Variants in MAML1 observed in about 807,000 individuals in gnomAD.
MAML1 encodes mastermind-like protein 1.
Under a neutral mutation model 77.1 loss-of-function variants are expected in MAML1, and 14 were observed. That is an observed-to-expected ratio of 0.18 (90% CI 0.12 to 0.28). The LOEUF (loss-of-function observed/expected upper bound fraction) is 0.28, where lower values mean the gene tolerates loss of function less well. Ranked by LOEUF, MAML1 falls within the 10% of genes least tolerant of loss-of-function variation. The pLI, the probability that MAML1 is intolerant of heterozygous loss-of-function variation, is 1.00. For missense variants in MAML1, 1,217 were observed against 1,327.8 expected, an observed-to-expected ratio of 0.92 and a Z score of 1.30; for synonymous variants, 516 against 551.9, an observed-to-expected ratio of 0.93 and a Z score of 0.91.
At chr5:179,759,115 C>G (rs942149782) in intron 1 of MAML1, among the ~76,000 whole-genome samples, 8 of 152,146 alleles carry the variant, frequency 5.3e-5, no homozygotes, top group Non-Finnish European at 1.5e-5. Flanking sequence ...GAAGGTGCTC[C>G]TATTTGTACG....
chr5:179,756,609 C>T (rs540989211), intron 1 of MAML1, among the ~76,000 whole-genome samples: 1 of 151,888 alleles, frequency 6.6e-6, no homozygotes, highest in Non-Finnish European at 1.5e-5. Context: ...TGAACTTTAT[C>T]TGTAAGTAAT....
chr5:179,756,528 G>A lies in MAML1; in HGVS notation c.316-8798G>A, dbSNP rs544451913. ...TTTAAGTTGGGGCCCCAAGGGAATG[G>A]CAGGGAATTCAACAGAGAAGTTAAT... On this transcript the variant is annotated intron_variant, in intron 1 of 4. Transcript: ENST00000292599. Among the ~76,000 whole-genome samples, 8 of 152,196 alleles carry A rather than the reference G, an allele frequency of 5.3e-5. No individual in the cohort carries two copies. In the South Asian group the frequency reaches 1.2e-3, roughly 24 times the overall value.
intron 1 of MAML1, among the ~76,000 whole-genome samples, chr5:179,761,564 G>A (rs1779727025): frequency 6.6e-6 from 1 of 152,070 alleles, no homozygotes; most frequent in South Asian, 2.1e-4. Flanking sequence ...ACATGGTGGT[G>A]CACGCCTGTA....
chr5:179,747,589 T>G (rs1367010772), intron 1 of MAML1, among the ~76,000 whole-genome samples: 1 of 152,034 alleles, frequency 6.6e-6, no homozygotes, highest in African/African-American at 2.4e-5. Flanking sequence ...GGCGGGCGGA[T>G]CACGAGGTCA....
intron 1 of MAML1, among the ~76,000 whole-genome samples, chr5:179,737,315 A>C (rs1461125095): frequency 1.3e-5 from 2 of 152,144 alleles, no homozygotes; most frequent in African/African-American, 4.8e-5. Flanking sequence ...AGTCTAGCTG[A>C]GCTCTTTGGC....
Position 179,769,197 on chromosome 5 carries a change from C to A in MAML1, c.1971+108C>A. On this transcript the variant is annotated intron_variant, in intron 3 of 4. Transcript: ENST00000292599. This position sits in a 1 kb window ranked among gnomAD's most constrained non-coding sequence, Gnocchi z 4.2. ...GTGCGTGTGGATTTGCGCAGACTTG[C>A]GTGCCTGTTGTTAGAGTGCTTTGCC... 2.7e-6 allele frequency: 4 copies of A among 1,472,150 alleles called. No individual in the cohort carries two copies. Among genetic ancestry groups the A allele is most frequent in the Non-Finnish European group, 3.7e-6 (4 of 1,082,156 alleles). The allele number at this position is 1,472,150 out of a possible 1,614,324, so 91.2% of individuals were successfully genotyped here. A position where few individuals can be genotyped will look rare whatever the true frequency, so the allele number is the denominator to read the frequency against.
At chr5:179,754,239 G>A (rs759576810) in intron 1 of MAML1, among the ~76,000 whole-genome samples, 7 of 151,994 alleles carry the variant, frequency 4.6e-5, no homozygotes, top group Non-Finnish European at 8.8e-5. Context: ...CTGAGATTGC[G>A]CCACTGCACT....
At chr5:179,762,599 A>G (rs1481693366) in intron 1 of MAML1, among the ~76,000 whole-genome samples, 1 of 152,206 alleles carries the variant, frequency 6.6e-6, no homozygotes, top group Non-Finnish European at 1.5e-5. Context: ...GAAGTACCAG[A>G]TGTGCTGGAG....
intron 1 of MAML1, among the ~76,000 whole-genome samples, chr5:179,744,241 G>A (rs1474787748): frequency 1.3e-5 from 2 of 152,146 alleles, no homozygotes; most frequent in East Asian, 3.9e-4. Context: ...CTGGAGTGCA[G>A]TGGCATGGTC....
intron 1 of MAML1, among the ~76,000 whole-genome samples, chr5:179,749,796 C>A (rs1406692208): frequency 6.6e-6 from 1 of 151,876 alleles, no homozygotes; most frequent in East Asian, 1.9e-4. Flanking sequence ...GCAGTGCAAC[C>A]CACCGAGAGG....
rs766359390 is a variant in MAML1, at chr5:179,765,578, C to T, written c.568C>T (p.Arg190Cys). The change falls in exon 2 of 5, where the codon CGT becomes TGT. Residue 190 changes from arginine (R) to cysteine (C), a missense_variant. Arg to Cys is a radical substitution (Grantham distance 180). Transcript: ENST00000292599. ...GGGGCTAGACTCTCTCAACAAAAAG[C>T]GTCTGGCTGACTCCAGCCTTCACTT... ...SLGLDSLNKK[R>C]LADSSLHLNG... The T allele has an allele frequency of 5.6e-6, 9 of 1,614,022 alleles. No individual in the cohort carries two copies. Among genetic ancestry groups the T allele is most frequent in the East Asian group, 4.5e-5 (2 of 44,884 alleles).
chr5:179,756,478 A>G (rs1779622252), intron 1 of MAML1, among the ~76,000 whole-genome samples: 1 of 151,782 alleles, frequency 6.6e-6, no homozygotes, highest in African/African-American at 2.4e-5. Context: ...CTGGAAGTAT[A>G]TTCTCAGTCC....
intron 1 of MAML1, among the ~76,000 whole-genome samples, chr5:179,754,979 A>G (rs1779582728): frequency 6.6e-6 from 1 of 152,206 alleles, no homozygotes. Flanking sequence ...TCCCTCTTAC[A>G]GAAGAGAGAA....
intron 1 of MAML1, among the ~76,000 whole-genome samples, chr5:179,744,889 G>A (rs570139755): frequency 6.6e-6 from 1 of 151,732 alleles, no homozygotes; most frequent in Non-Finnish European, 1.5e-5. Flanking sequence ...ACAAAACAAC[G>A]CATGCATTAT....
chr5:179,768,929 G>C lies in MAML1; in HGVS notation c.1811G>C (p.Ser604Thr). 1 of 1,614,162 alleles carries C rather than the reference G, an allele frequency of 6.2e-7. No homozygotes were observed. Among genetic ancestry groups the C allele is most frequent in the Non-Finnish European group, 8.5e-7 (1 of 1,180,036 alleles). Residue 604 changes from serine to threonine, a missense_variant, in exon 3 of 5, where the codon AGC (serine) becomes ACC (threonine). Ser to Thr is a moderately conservative substitution (Grantham distance 58). Coordinates refer to ENST00000292599, the MANE Select transcript of MAML1 (RefSeq NM_014757.5). ...CAGCCGCCTGCCGTGTCCGTGGCCA[G>C]CTCCCACAACAGCTCCCCCTATCTC... ...GTQPPAVSVA[S>T]SHNSSPYLSS... is the part of the protein sequence containing the mutation.
chr5:179,766,252 C>T lies in MAML1; in HGVS notation c.1242C>T (p.Asn414=). 6.2e-7 allele frequency: 1 copy of T among 1,613,796 alleles called. No homozygotes were observed. The highest frequency in any genetic ancestry group is 8.5e-7 in the Non-Finnish European group (1 of 1,179,930). The change falls in exon 2 of 5, where the codon AAC becomes AAT. Residue 414 remains asparagine, a synonymous_variant. Transcript: ENST00000292599. This position sits in a 1 kb window ranked among gnomAD's most constrained non-coding sequence, Gnocchi z 4.0. The part of the protein sequence containing the change: ...AKQKREQMLQ[N]PQQATPAPAP... Reference sequence around the variant, plus strand: ...AGAAGCGCGAGCAGATGCTCCAGAACCCACAGCAGGCCACCCCGGCACCAG... The same window carrying T: ...AGAAGCGCGAGCAGATGCTCCAGAATCCACAGCAGGCCACCCCGGCACCAG...
rs1756153806 is a variant in MAML1 at position 179,777,239 on chromosome 5, CT to C, written c.*2364del. ...ACACCAAAAAGAAATCTTTACTTTC[CT>C]TGTTTTATCATTATAAAAATAAAGT... On this transcript the variant is annotated 3_prime_UTR_variant, in exon 5 of 5. Coordinates refer to ENST00000292599, the MANE Select transcript of MAML1 (RefSeq NM_014757.5). 1.0e-6 allele frequency: 1 copy of C among 964,686 alleles called. No individual in the cohort carries two copies. The highest frequency in any genetic ancestry group is 1.8e-5 in the African/African-American group (1 of 56,680). 59.8% of individuals were successfully genotyped at this position (964,686 alleles called of 1,614,324 possible).
intron 1 of MAML1, among the ~76,000 whole-genome samples, chr5:179,760,187 C>T (rs1779700863): frequency 6.6e-6 from 1 of 152,100 alleles, no homozygotes; most frequent in African/African-American, 2.4e-5. Flanking sequence ...CATTTATTCA[C>T]AGACACTTAT....
intron 1 of MAML1, among the ~76,000 whole-genome samples, chr5:179,749,361 A>G (rs1325614036): frequency 6.6e-6 from 1 of 152,146 alleles, no homozygotes; most frequent in African/African-American, 2.4e-5. Context: ...CCCAACCTCA[A>G]GTGATCCGCT....
Sources: gnomAD v4.1 joint callset for allele counts (sites outside exome capture counted in the v4.1 genomes callset) on GRCh38, gnomAD v4.1.1 for gene constraint, Gnocchi (gnomAD v3.1) non-coding constraint, MANE v1.5 for transcripts, NCBI Gene and HGNC (gene_info 2026-07-23, HGNC 2026-07-21) for gene names.